Variants in NEMP2 observed in about 807,000 individuals in gnomAD.
NEMP2 encodes the protein nuclear envelope integral membrane protein 2.
In NEMP2, 53 loss-of-function variants were observed where a neutral mutation model predicts 54.2. That is an observed-to-expected ratio of 0.98 (90% CI 0.78 to 1.23). The LOEUF (loss-of-function observed/expected upper bound fraction) is 1.23, where lower values mean the gene tolerates loss of function less well. Among genes scored for constraint, NEMP2 ranks in the 50% most tolerant of loss-of-function variants. The pLI is 0.00. For missense variants in NEMP2, 455 were observed against 511.3 expected, an observed-to-expected ratio of 0.89 and a Z score of 1.06; for synonymous variants, 197 against 190.3, an observed-to-expected ratio of 1.04 and a Z score of -0.29.
At chr2:190,585,907 G>A in the NEMP2 span, among the ~76,000 whole-genome samples, 1 of 152,160 alleles carries the variant, frequency 6.6e-6, no homozygotes, top group African/African-American at 2.4e-5. The surrounding 1 kb of genome is among the most constrained non-coding windows in gnomAD (Gnocchi z 5.3). Context: ...GATTCCATTT[G>A]TAGAGCTTCA....
chr2:190,575,978 C>CT, the NEMP2 span, among the ~76,000 whole-genome samples: 1,352 of 143,782 alleles, frequency 9.4e-3, 8 homozygotes, highest in East Asian at 0.033. Flanking sequence ...TTCTGGTTTA[C>CT]TTTTTTTTTT....
chr2:190,543,344 G>A, the NEMP2 span, among the ~76,000 whole-genome samples: 3 of 152,224 alleles, frequency 2.0e-5, no homozygotes, highest in Admixed American at 6.5e-5. The surrounding 1 kb of genome is among the most constrained non-coding windows in gnomAD (Gnocchi z 4.7). Flanking sequence ...AGGTGGGATG[G>A]TTGTCCTCTC....
At chr2:190,584,462 G>A in the NEMP2 span, among the ~76,000 whole-genome samples, 11 of 152,062 alleles carry the variant, frequency 7.2e-5, no homozygotes, top group East Asian at 2.1e-3. The surrounding 1 kb of genome is among the most constrained non-coding windows in gnomAD (Gnocchi z 4.2). Context: ...TACAATTATG[G>A]GTGTTCATCA....
In NEMP2 at chr2:190,506,668, G is replaced by A. The variant is rs2125296798; in HGVS notation, c.*2521C>T. 1 of 152,292 alleles carries A rather than the reference G, an allele frequency of 6.6e-6. No individual in the cohort carries two copies. Among genetic ancestry groups the A allele is most frequent in the Admixed American group, 6.5e-5 (1 of 15,290 alleles). 9.4% of individuals were successfully genotyped at this position (152,292 alleles called of 1,614,324 possible). Reference sequence around the variant, plus strand: ...GCATTTTTTGTGATATGTAAAATGTGTTTTAAAACCTTTTAAAAATAACAC... The same window carrying A: ...GCATTTTTTGTGATATGTAAAATGTATTTTAAAACCTTTTAAAAATAACAC... On this transcript the variant is annotated 3_prime_UTR_variant, in exon 9 of 9. Transcript: ENST00000409150. This position sits in a 1 kb window ranked among gnomAD's most constrained non-coding sequence, Gnocchi z 6.3.
chr2:190,532,909 G>A (rs1691200960), intron 1 of NEMP2, among the ~76,000 whole-genome samples: 1 of 152,152 alleles, frequency 6.6e-6, no homozygotes, highest in Non-Finnish European at 1.5e-5. Flanking sequence ...TACAAAAGTT[G>A]CCATTCTTCT....
the NEMP2 span, among the ~76,000 whole-genome samples, chr2:190,571,891 C>G: frequency 6.6e-6 from 1 of 152,060 alleles, no homozygotes; most frequent in Admixed American, 6.5e-5. Flanking sequence ...TCCTGTTGCC[C>G]CAGGGCTGCA....
chr2:190,572,823 C>A, the NEMP2 span, among the ~76,000 whole-genome samples: 9 of 69,882 alleles, frequency 1.3e-4, 2 homozygotes, highest in African/African-American at 4.4e-4. Flanking sequence ...CACAATAGAT[C>A]TTTTCATGAG....
At chr2:190,566,074 AG>A in the NEMP2 span, among the ~76,000 whole-genome samples, 1 of 151,686 alleles carries the variant, frequency 6.6e-6, no homozygotes. Flanking sequence ...ATCCCTGAAA[AG>A]GCCAACAACT....
chr2:190,435,890 A>T, the NEMP2 span: 1 of 1,130,414 alleles, frequency 8.8e-7, no homozygotes, highest in African/African-American at 1.6e-5. Context: ...TTTAGTTTGT[A>T]ACTGCTTAAT....
chr2:190,491,188 G>A, the NEMP2 span, among the ~76,000 whole-genome samples: 1 of 152,228 alleles, frequency 6.6e-6, no homozygotes, highest in African/African-American at 2.4e-5. The surrounding 1 kb of genome is among the most constrained non-coding windows in gnomAD (Gnocchi z 4.2). Context: ...TTTGATTAGT[G>A]AGAATATGGT....
At chr2:190,569,339 T>C in the NEMP2 span, among the ~76,000 whole-genome samples, 1 of 152,220 alleles carries the variant, frequency 6.6e-6, no homozygotes, top group Non-Finnish European at 1.5e-5. Flanking sequence ...ATTTTCACTG[T>C]AATTATTACT....
the NEMP2 span, among the ~76,000 whole-genome samples, chr2:190,441,608 T>C: frequency 5.3e-5 from 8 of 152,140 alleles, no homozygotes; most frequent in South Asian, 2.1e-4. Context: ...CTTATGTACA[T>C]GTGCTGGTCA....
the NEMP2 span, among the ~76,000 whole-genome samples, chr2:190,483,333 G>A: frequency 6.6e-6 from 1 of 152,124 alleles, no homozygotes; most frequent in African/African-American, 2.4e-5. Flanking sequence ...AAGCACCTAA[G>A]CTCTGAACTT....
the NEMP2 span, among the ~76,000 whole-genome samples, chr2:190,572,689 G>C: frequency 1.3e-5 from 2 of 151,100 alleles, no homozygotes; most frequent in Non-Finnish European, 3.0e-5. Context: ...TTACTACATG[G>C]TCTTCAGAAT....
the NEMP2 span, among the ~76,000 whole-genome samples, chr2:190,582,380 C>T: frequency 3.7e-4 from 56 of 152,088 alleles, no homozygotes; most frequent in African/African-American, 1.3e-3. The surrounding 1 kb of genome is among the most constrained non-coding windows in gnomAD (Gnocchi z 4.6). Context: ...ATAAGAGCGC[C>T]GGGACACATG....
At chr2:190,637,075 TAATC>T in the NEMP2 span, among the ~76,000 whole-genome samples, 2 of 152,244 alleles carry the variant, frequency 1.3e-5, no homozygotes, top group African/African-American at 2.4e-5. The surrounding 1 kb of genome is among the most constrained non-coding windows in gnomAD (Gnocchi z 4.5). Context: ...CAGGCCTACT[TAATC>T]AGTATGTCTG....
the NEMP2 span, chr2:190,436,564 C>T: frequency 2.5e-6 from 4 of 1,614,234 alleles, no homozygotes; most frequent in South Asian, 1.1e-5. This position sits in a 1 kb window ranked among gnomAD's most constrained non-coding sequence, Gnocchi z 5.3. Flanking sequence ...GTTAACTATC[C>T]TGCCAACAAA....
the NEMP2 span, among the ~76,000 whole-genome samples, chr2:190,645,493 G>T: frequency 2.6e-5 from 4 of 151,976 alleles, no homozygotes; most frequent in Non-Finnish European, 5.9e-5. Flanking sequence ...TCAGAAGTAG[G>T]CATCACATAT....
chr2:190,574,778 T>TCCTTCCCTC, the NEMP2 span, among the ~76,000 whole-genome samples: 950 of 105,626 alleles, frequency 9.0e-3, 12 homozygotes, highest in South Asian at 0.02. Context: ...CTCCCTTCCC[T>TCCTTCCCTC]CCTTCCCTCC....
Sources: allele counts gnomAD v4.1 joint callset (sites outside exome capture counted in the v4.1 genomes callset), GRCh38; gene constraint gnomAD v4.1.1; non-coding constraint Gnocchi (gnomAD v3.1); transcripts MANE v1.5; gene names NCBI Gene and HGNC (gene_info 2026-07-23, HGNC 2026-07-21).